The following RAPH1 variants were observed in gnomAD, a reference collection of about 807,000 sequenced individuals.
The protein encoded by RAPH1 is Ras association (RalGDS/AF-6) and pleckstrin homology domains 1, also known as ras-associated and pleckstrin homology domains-containing protein 1.
In RAPH1, 18 loss-of-function variants were observed where a neutral mutation model predicts 88.1. That is an observed-to-expected ratio of 0.20 (90% CI 0.14 to 0.30). The LOEUF is 0.30. RAPH1 is among the 10% of genes least tolerant of loss of function. RAPH1 has a pLI of 1.00. For missense variants in RAPH1, 1,448 were observed against 1,543.2 expected (o/e 0.94, Z 1.03); for synonymous variants, 587 against 559.0 (o/e 1.05, Z -0.71).
At chr2:203,510,910 A>T (rs1284554564) in intron 1 of RAPH1, among the ~76,000 whole-genome samples, 2 of 152,054 alleles carry the variant, frequency 1.3e-5, no homozygotes, top group Middle Eastern at 3.2e-3. Flanking sequence ...AAATAAATTT[A>T]AAAAAAGAGT....
At chr2:203,461,727 AG>A in intron 5 of RAPH1, 120 bp downstream of exon 5, 1 of 648,046 alleles carries the variant, frequency 1.5e-6, no homozygotes, top group Non-Finnish European at 2.5e-6. Context: ...ATATATTACT[AG>A]GAAGAAATGC....
rs552705113 is a variant in RAPH1, at chr2:203,438,191, C to T, written c.*1246G>A. On this transcript the variant is annotated 3_prime_UTR_variant, in exon 14 of 14. Coordinates refer to ENST00000319170, the MANE Select transcript of RAPH1 (RefSeq NM_213589.3). ...TGCAGTCAGCAAGGGTCCTGGTAGC[C>T]CCAGTAGCTATAAATGAAACTGTCT... 3 of 518,570 alleles carry T rather than the reference C, an allele frequency of 5.8e-6. No individual in the cohort carries two copies. Among genetic ancestry groups the T allele is most frequent in the South Asian group, 4.2e-5 (3 of 71,424 alleles). 32.1% of individuals were successfully genotyped at this position (518,570 alleles called of 1,614,324 possible). A position where few individuals can be genotyped will look rare whatever the true frequency, so the allele number is the denominator to read the frequency against.
rs1553616484 is a variant in RAPH1, at chr2:203,434,040, A to AT, written c.*5396dup. ...GTAGTACTGAATATATCTCTCTCATATATCTATCTATCTATCTATATATAT... is the reference window on the plus strand; with the variant it reads ...GTAGTACTGAATATATCTCTCTCATATTATCTATCTATCTATCTATATATAT... On this transcript the variant is annotated 3_prime_UTR_variant, in exon 14 of 14. Transcript: ENST00000319170. The AT allele has an allele frequency of 1.4e-5, 2 of 145,398 alleles. No homozygotes were observed. Among genetic ancestry groups the AT allele is most frequent in the African/African-American group, 5.2e-5 (2 of 38,246 alleles). 9.0% of individuals were successfully genotyped at this position (145,398 alleles called of 1,614,324 possible).
intron 4 of RAPH1, among the ~76,000 whole-genome samples, chr2:203,488,748 G>T (rs1222455200): frequency 6.6e-6 from 1 of 152,120 alleles, no homozygotes; most frequent in Admixed American, 6.5e-5. Context: ...CATGGGTAGT[G>T]AGTGGCAAGG....
Position 203,461,390 on chromosome 2 carries a change from T to C in RAPH1, c.829A>G (p.Met277Val), listed in dbSNP as rs1187638771. The C allele has an allele frequency of 1.2e-6, 2 of 1,602,764 alleles. No homozygotes were observed. The highest frequency in any genetic ancestry group is 2.3e-5 in the East Asian group (1 of 44,330). ...QVKKLVIRVH[M>V]SDDSSKTMMV... ...ATTGTTTTAGAACTGTCATCAGACA[T>C]GTGGACTCTGATCACCAGCTATAAC... The change falls in exon 6 of 14, where the codon ATG becomes GTG. Residue 277 changes from methionine (M) to valine (V), a missense_variant. Met to Val is a conservative substitution (Grantham distance 21). Coordinates refer to ENST00000319170, the MANE Select transcript of RAPH1 (RefSeq NM_213589.3).
chr2:203,444,770 G>A (rs1278197866), intron 13 of RAPH1, 98 bp downstream of exon 13: 6 of 1,111,214 alleles, frequency 5.4e-6, no homozygotes, highest in Non-Finnish European at 6.6e-6. Context: ...ACTGAAATAA[G>A]GCCAAATAAG....
intron 4 of RAPH1, among the ~76,000 whole-genome samples, chr2:203,483,503 A>G (rs1305837066): frequency 1.3e-5 from 2 of 152,242 alleles, no homozygotes; most frequent in African/African-American, 4.8e-5. Context: ...AGTGGGAGAA[A>G]TAAGTTTGAA....
chr2:203,490,070 C>A lies in RAPH1; in HGVS notation c.246G>T (p.Glu82Asp), dbSNP rs1190557945. 1 of 1,610,790 alleles carries A rather than the reference C, an allele frequency of 6.2e-7. No homozygotes were observed. The highest frequency in any genetic ancestry group is 1.7e-5 in the Admixed American group (1 of 59,638). The change falls in exon 4 of 14, where the codon GAG becomes GAT. Residue 82 changes from glutamate to aspartate, a missense_variant. Glu to Asp is a conservative substitution (Grantham distance 45). Around this residue, in one of 2 missense-constraint regions of RAPH1, gnomAD observed 513 missense variants for 653.1 expected, o/e 0.79. Coordinates refer to ENST00000319170, the MANE Select transcript of RAPH1 (RefSeq NM_213589.3). ...CCATCAAGGCATCCAGATCCACAGT[C>A]TCTCCCTGATTCAGAGCTTCTGCAA... ...YNLNEALNQGETVDLDALMAD... is the reference protein window; with the variant it reads ...YNLNEALNQGDTVDLDALMAD...
chr2:203,486,640 G>A (rs34031353), intron 4 of RAPH1, among the ~76,000 whole-genome samples: 3,320 of 152,268 alleles, frequency 0.022, 48 homozygotes, highest in Non-Finnish European at 0.023. Flanking sequence ...ATAGTTTTCC[G>A]TAACATATCT....
At chr2:203,507,915 A>C (rs1689158430) in intron 1 of RAPH1, among the ~76,000 whole-genome samples, 1 of 152,088 alleles carries the variant, frequency 6.6e-6, no homozygotes, top group South Asian at 2.1e-4. Flanking sequence ...CTTTGATCTT[A>C]AGAAATATAC....
At chr2:203,521,882 A>AT (rs1323962978) in intron 1 of RAPH1, among the ~76,000 whole-genome samples, 1 of 152,170 alleles carries the variant, frequency 6.6e-6, no homozygotes, top group African/African-American at 2.4e-5. Context: ...TCATTTCTGG[A>AT]TAGTAGGATT....
intron 5 of RAPH1, 138 bp downstream of exon 5, chr2:203,461,710 G>A (rs1356098819): frequency 3.2e-6 from 2 of 615,984 alleles, no homozygotes; most frequent in East Asian, 3.0e-5. Flanking sequence ...AATACTACAT[G>A]TGAAAAATAT....
chr2:203,514,242 C>T (rs1441337167), intron 1 of RAPH1, among the ~76,000 whole-genome samples: 1 of 152,212 alleles, frequency 6.6e-6, no homozygotes, highest in Admixed American at 6.5e-5. Context: ...GCTTTCCCAC[C>T]TTCACAGTCC....
intron 1 of RAPH1, among the ~76,000 whole-genome samples, chr2:203,531,755 A>G (rs1690399591): frequency 6.6e-6 from 1 of 152,252 alleles, no homozygotes; most frequent in African/African-American, 2.4e-5. Context: ...TGTTGGCAAG[A>G]TACAGAGAAA....
At chr2:203,496,219 G>A (rs1417600278) in intron 1 of RAPH1, among the ~76,000 whole-genome samples, 4 of 152,140 alleles carry the variant, frequency 2.6e-5, no homozygotes, top group African/African-American at 7.2e-5. Flanking sequence ...TTGGCAGGGC[G>A]TGGTGGTGCA....
intron 1 of RAPH1, among the ~76,000 whole-genome samples, chr2:203,501,211 G>A (rs932474120): frequency 6.6e-6 from 1 of 152,118 alleles, no homozygotes; most frequent in Non-Finnish European, 1.5e-5. Flanking sequence ...ATCAAAAGGA[G>A]GAGAGAGGAA....
chr2:203,482,211 G>A lies in RAPH1; in HGVS notation c.732+7373C>T, dbSNP rs959963026. 5.9e-5 allele frequency among the ~76,000 whole-genome samples: 9 copies of A among 151,696 alleles called. No homozygotes were observed. In the South Asian group the frequency reaches 6.2e-4, roughly 11 times the overall value. On this transcript the variant is annotated intron_variant, in intron 4 of 13. Coordinates refer to ENST00000319170, the MANE Select transcript of RAPH1 (RefSeq NM_213589.3). ...TTTATTTTATTTTACTTTTTGAAAC[G>A]GAGTCTTGCTGTCGCCCAGGCTGGA...
At chr2:203,471,147 C>T (rs1422397620) in intron 4 of RAPH1, among the ~76,000 whole-genome samples, 1 of 151,970 alleles carries the variant, frequency 6.6e-6, no homozygotes, top group Non-Finnish European at 1.5e-5. Context: ...TTGGACTGGC[C>T]TCTCATGAAA....
rs185875420 is a variant in RAPH1 at position 203,505,272 on chromosome 2, G to A, written c.1-9919C>T. Among the ~76,000 whole-genome samples, 24 of 152,302 alleles carry A rather than the reference G, an allele frequency of 1.6e-4. No individual in the cohort carries two copies. In the East Asian group the frequency reaches 4.2e-3, roughly 27 times the overall value. ...GGACTCACAGTTCCACATGGCTGGG[G>A]AGGCCTCAGAATCATGGTGGGAGGC... On this transcript the variant is annotated intron_variant, in intron 1 of 13. Transcript: ENST00000319170.
Sources: gnomAD v4.1 joint callset for allele counts (sites outside exome capture counted in the v4.1 genomes callset) on GRCh38, gnomAD v4.1.1 for gene constraint, gnomAD v4.1.1 regional missense constraint, MANE v1.5 for transcripts, NCBI Gene and HGNC (gene_info 2026-07-23, HGNC 2026-07-21) for gene names.